Variants in CBLN2 observed in about 807,000 individuals in gnomAD.
The protein encoded by CBLN2 is cerebellin 2 precursor, also known as cerebellin-2.
A neutral mutation model predicts 15.0 loss-of-function variants in CBLN2; 7 were observed. The observed-to-expected ratio is 0.47, with a 90% confidence interval of 0.27 to 0.88. The LOEUF is 0.88. Among genes scored for constraint, CBLN2 ranks in the 40% least tolerant of loss-of-function variants. The probability of loss-of-function intolerance (pLI) is 0.14; values close to 1 mark genes in which losing one functional copy is unlikely to be tolerated. For missense variants in CBLN2, 242 were observed against 304.5 expected (o/e 0.79, Z 1.53); for synonymous variants, 149 against 135.2 (o/e 1.10, Z -0.71).
intron 1 of CBLN2, among the ~76,000 whole-genome samples, chr18:72,603,642 A>C (rs1273924195): frequency 6.6e-6 from 1 of 152,198 alleles, no homozygotes; most frequent in Non-Finnish European, 1.5e-5. Flanking sequence ...GCCCGCCTGC[A>C]ACTTCCTTTC....
intron 1 of CBLN2, among the ~76,000 whole-genome samples, chr18:72,612,468 C>T (rs1237438681): frequency 1.3e-5 from 2 of 151,510 alleles, no homozygotes; most frequent in African/African-American, 4.9e-5. Flanking sequence ...CCCCACCTTA[C>T]CTTCAAAGCC....
At chr18:72,581,014 G>A (rs534480845) in intron 1 of CBLN2, among the ~76,000 whole-genome samples, 2 of 152,152 alleles carry the variant, frequency 1.3e-5, no homozygotes, top group Admixed American at 6.5e-5. Flanking sequence ...ATCTGACCAC[G>A]TTTTATGTTT....
At chr18:72,603,567 T>G (rs2069563043) in intron 1 of CBLN2, among the ~76,000 whole-genome samples, 1 of 152,240 alleles carries the variant, frequency 6.6e-6, no homozygotes, top group South Asian at 2.1e-4. Context: ...CTCAGAATAA[T>G]GGATTCTTGG....
At chr18:72,549,815 G>T (rs761794123) in intron 1 of CBLN2, among the ~76,000 whole-genome samples, 1 of 152,118 alleles carries the variant, frequency 6.6e-6, no homozygotes, top group Non-Finnish European at 1.5e-5. Flanking sequence ...TCTATCAGGG[G>T]TTACTCTGTA....
At chr18:72,568,012 T>G (rs945610219) in intron 1 of CBLN2, among the ~76,000 whole-genome samples, 5 of 152,228 alleles carry the variant, frequency 3.3e-5, no homozygotes, top group African/African-American at 9.6e-5. Flanking sequence ...GTTTACATAC[T>G]CATTTTCACC....
chr18:72,545,051 A>G, upstream of CBLN2, among the ~76,000 whole-genome samples: 1 of 152,078 alleles, frequency 6.6e-6, no homozygotes, highest in East Asian at 1.9e-4. Context: ...TTATTCCTCC[A>G]GACTTCACAC....
intron 1 of CBLN2, among the ~76,000 whole-genome samples, chr18:72,628,981 G>A (rs1336755457): frequency 6.6e-6 from 1 of 152,110 alleles, no homozygotes; most frequent in African/African-American, 2.4e-5. Flanking sequence ...GAAATGAAAA[G>A]GGGCAAAGCT....
At chr18:72,634,957 A>G (rs1329831613) in intron 1 of CBLN2, among the ~76,000 whole-genome samples, 4 of 152,134 alleles carry the variant, frequency 2.6e-5, no homozygotes, top group Non-Finnish European at 4.4e-5. Context: ...CAAATTGACC[A>G]AAGACATGCT....
intron 3 of CBLN2, among the ~76,000 whole-genome samples, 162 bp downstream of exon 3, chr18:72,541,642 A>G (rs1006088889): frequency 6.6e-6 from 1 of 152,042 alleles, no homozygotes; most frequent in Non-Finnish European, 1.5e-5. Context: ...GGGAAAGAGT[A>G]GGAGTGCGTT....
intron 4 of CBLN2, 61 bp downstream of exon 4, chr18:72,538,592 C>A: frequency 5.0e-6 from 8 of 1,601,868 alleles, no homozygotes; most frequent in Non-Finnish European, 6.8e-6. Flanking sequence ...GGTGAAGGGG[C>A]CTTTAGCAAT....
chr18:72,607,982 A>G (rs939178312), intron 1 of CBLN2, among the ~76,000 whole-genome samples: 5 of 152,192 alleles, frequency 3.3e-5, no homozygotes, highest in South Asian at 2.1e-4. Flanking sequence ...TTAAAGGCAT[A>G]TTACCTGAAC....
At chr18:72,620,029 G>A (rs998418730) in intron 1 of CBLN2, among the ~76,000 whole-genome samples, 5 of 152,224 alleles carry the variant, frequency 3.3e-5, no homozygotes, top group African/African-American at 1.2e-4. Flanking sequence ...CGACCCAGCT[G>A]TCTGCTTTTG....
chr18:72,627,312 T>G (rs931029848), intron 1 of CBLN2, among the ~76,000 whole-genome samples: 2 of 152,234 alleles, frequency 1.3e-5, no homozygotes, highest in Non-Finnish European at 2.9e-5. Context: ...ACATATGTTA[T>G]TCGAGGAGTT....
intron 3 of CBLN2, 94 bp downstream of exon 3, chr18:72,541,710 C>T: frequency 1.0e-6 from 1 of 973,790 alleles, no homozygotes; most frequent in Non-Finnish European, 1.5e-6. Flanking sequence ...AGCCTGGGAA[C>T]TCCACGTCCA....
At chr18:72,571,963 A>G (rs1365337322) in intron 1 of CBLN2, among the ~76,000 whole-genome samples, 2 of 152,226 alleles carry the variant, frequency 1.3e-5, no homozygotes, top group East Asian at 1.9e-4. Context: ...ATTAGATTAT[A>G]TAATACCTTG....
At chr18:72,557,973 G>C (rs376737912) in intron 1 of CBLN2, among the ~76,000 whole-genome samples, 39 of 152,216 alleles carry the variant, frequency 2.6e-4, no homozygotes, top group African/African-American at 8.4e-4. Context: ...AAACAGGCAG[G>C]CTGGATGGGT....
In CBLN2 at chr18:72,578,953, C is replaced by G. The variant is rs1222709775; in HGVS notation, c.16-40181G>C. ...ACACTGTGTCGCTATCCATGTCGCT[C>G]TCTGTGTCACAATCTGTGTCACTAT... On this transcript the variant is annotated intron_variant, in intron 1 of 2. Coordinates refer to the CBLN2 transcript ENST00000581073. 2.6e-5 allele frequency among the ~76,000 whole-genome samples: 4 copies of G among 152,186 alleles called. No homozygotes were observed. The South Asian group carries it at 6.2e-4, about 24-fold the overall frequency.
chr18:72,559,477 G>T (rs1282254231), intron 1 of CBLN2, among the ~76,000 whole-genome samples: 1 of 152,116 alleles, frequency 6.6e-6, no homozygotes, highest in African/African-American at 2.4e-5. Flanking sequence ...TGAGTTTATG[G>T]CTTGCTTTCA....
At chr18:72,553,205 G>A (rs2069201964) in intron 1 of CBLN2, among the ~76,000 whole-genome samples, 1 of 152,086 alleles carries the variant, frequency 6.6e-6, no homozygotes, top group Non-Finnish European at 1.5e-5. Flanking sequence ...TCTGATTTAC[G>A]TGTTCACAAA....
Sources: allele counts gnomAD v4.1 joint callset (sites outside exome capture counted in the v4.1 genomes callset), GRCh38; gene constraint gnomAD v4.1.1; transcripts MANE v1.5; gene names NCBI Gene and HGNC (gene_info 2026-07-23, HGNC 2026-07-21).